The following MMP16 variants were observed in gnomAD, a reference collection of about 807,000 sequenced individuals.
MMP16 encodes matrix metalloproteinase-16.
Under a neutral mutation model 67.8 loss-of-function variants are expected in MMP16, and 12 were observed. That is an observed-to-expected ratio of 0.18 (90% confidence interval 0.11 to 0.29). MMP16 has a LOEUF of 0.29. Ranked by LOEUF, MMP16 falls within the 10% of genes least tolerant of loss-of-function variation. The probability of loss-of-function intolerance (pLI) is 1.00; values close to 1 mark genes in which losing one functional copy is unlikely to be tolerated. For synonymous variants in MMP16, 249 were observed against 255.9 expected (o/e 0.97, Z 0.26); for missense variants, 475 against 765.7 (o/e 0.62, Z 4.48).
At chr8:88,285,976 C>T (rs1810824352) in intron 1 of MMP16, among the ~76,000 whole-genome samples, 1 of 152,162 alleles carries the variant, frequency 6.6e-6, no homozygotes, top group African/African-American at 2.4e-5. Flanking sequence ...GGTACTTTCT[C>T]ACTAACCTCT....
chr8:88,284,996 T>C (rs1473042881), intron 1 of MMP16, among the ~76,000 whole-genome samples: 2 of 152,192 alleles, frequency 1.3e-5, no homozygotes, highest in African/African-American at 4.8e-5. Flanking sequence ...CCTCTGTTAA[T>C]ATTCTCTCAT....
intron 1 of MMP16, among the ~76,000 whole-genome samples, chr8:88,223,496 T>G (rs1007741171): frequency 3.2e-4 from 48 of 151,978 alleles, no homozygotes; most frequent in African/African-American, 1.1e-3. Flanking sequence ...ATATATACCA[T>G]GGAATACTAT....
At chr8:88,183,840 C>T (rs1189264022) in intron 3 of MMP16, among the ~76,000 whole-genome samples, 1 of 150,380 alleles carries the variant, frequency 6.6e-6, no homozygotes, top group East Asian at 2.0e-4. Flanking sequence ...CTCAGCCTCT[C>T]GAGTAGCTGG....
chr8:88,121,462 T>G (rs2118444170), intron 4 of MMP16, among the ~76,000 whole-genome samples: 1 of 152,160 alleles, frequency 6.6e-6, no homozygotes, highest in East Asian at 1.9e-4. Context: ...AGTACTGCCC[T>G]GTGATTTGAA....
intron 9 of MMP16, among the ~76,000 whole-genome samples, chr8:88,045,017 T>C (rs1808180501): frequency 6.6e-6 from 1 of 152,206 alleles, no homozygotes; most frequent in South Asian, 2.1e-4. Context: ...TGTTTTAATC[T>C]TAGTCTCACT....
chr8:88,164,581 A>G (rs904969277), intron 4 of MMP16, among the ~76,000 whole-genome samples: 1 of 152,058 alleles, frequency 6.6e-6, no homozygotes, highest in African/African-American at 2.4e-5. Context: ...CTAACAGTCA[A>G]TTAATGTCTC....
In MMP16 at chr8:88,246,676, T is replaced by C. The variant is rs985104209; in HGVS notation, c.133-49370A>G. 1.6e-4 allele frequency among the ~76,000 whole-genome samples: 24 copies of C among 152,290 alleles called. 1 individual carries two copies. Among genetic ancestry groups the C allele is most frequent in the African/African-American group, 5.8e-4 (24 of 41,566 alleles). ...TTAGTCATGTACTCCAGACATTTTT[T>C]TAAGTATGCTTATAAATGGTACTGA... On this transcript the variant is annotated intron_variant, in intron 1 of 9. Coordinates refer to ENST00000286614, the MANE Select transcript of MMP16 (RefSeq NM_005941.5).
intron 1 of MMP16, among the ~76,000 whole-genome samples, chr8:88,263,811 G>C (rs1487059355): frequency 6.6e-6 from 1 of 151,710 alleles, no homozygotes; most frequent in Non-Finnish European, 1.5e-5. Context: ...CTGGGGGTTG[G>C]GACCTTGACA....
intron 6 of MMP16, among the ~76,000 whole-genome samples, chr8:88,096,739 A>G (rs540135693): frequency 1.2e-3 from 186 of 152,048 alleles, no homozygotes; most frequent in Non-Finnish European, 2.0e-3. Context: ...CAACCCTCAT[A>G]GGAAAGTCAC....
chr8:88,266,283 T>C (rs1810475460), intron 1 of MMP16, among the ~76,000 whole-genome samples: 1 of 152,240 alleles, frequency 6.6e-6, no homozygotes, highest in African/African-American at 2.4e-5. Flanking sequence ...ACTATGTTTA[T>C]ATCCATCAGA....
Position 88,058,493 on chromosome 8 carries a change from T to C in MMP16, c.1223-2215A>G, listed in dbSNP as rs1808358735. Among the ~76,000 whole-genome samples the C allele has an allele frequency of 6.6e-6, 1 of 152,016 alleles. No individual in the cohort carries two copies. Among genetic ancestry groups the C allele is most frequent in the African/African-American group, 2.4e-5 (1 of 41,414 alleles). On this transcript the variant is annotated intron_variant, in intron 7 of 9. Coordinates refer to ENST00000286614, the MANE Select transcript of MMP16 (RefSeq NM_005941.5). The surrounding 1 kb of genome is among the most constrained non-coding windows in gnomAD (Gnocchi z 4.2). The stretch of plus-strand genomic sequence containing the variant: ...TTAGATATCAGTGAGTGAGTATGAA[T>C]CAAACAGATGAATAAATTAAAACTT...
intron 7 of MMP16, among the ~76,000 whole-genome samples, chr8:88,068,561 A>C (rs1193218256): frequency 6.6e-6 from 1 of 152,120 alleles, no homozygotes; most frequent in Admixed American, 6.6e-5. Flanking sequence ...ATTTTCGTAT[A>C]GTACAGGATG....
chr8:88,059,939 T>C (rs535967395), intron 7 of MMP16, among the ~76,000 whole-genome samples: 1 of 148,922 alleles, frequency 6.7e-6, no homozygotes, highest in South Asian at 2.1e-4. Flanking sequence ...AGGCAGAAAT[T>C]GAATAAAAGA....
chr8:88,307,749 A>T (rs976742917), intron 1 of MMP16, among the ~76,000 whole-genome samples: 1 of 152,094 alleles, frequency 6.6e-6, no homozygotes, highest in Admixed American at 6.6e-5. Flanking sequence ...TAAGAGAACA[A>T]AAAACAGAAA....
At chr8:88,171,471 G>A (rs1395265924) in intron 3 of MMP16, among the ~76,000 whole-genome samples, 1 of 152,168 alleles carries the variant, frequency 6.6e-6, no homozygotes, top group Non-Finnish European at 1.5e-5. Context: ...GTTGAAAAAC[G>A]TGAGCTGAAA....
intron 1 of MMP16, among the ~76,000 whole-genome samples, chr8:88,318,883 T>C (rs1320430111): frequency 1.3e-5 from 2 of 152,196 alleles, no homozygotes; most frequent in African/African-American, 4.8e-5. Context: ...ATTTGGACCT[T>C]TGTTTAATCA....
intron 3 of MMP16, among the ~76,000 whole-genome samples, chr8:88,172,449 A>G (rs1233799691): frequency 6.6e-6 from 1 of 152,228 alleles, no homozygotes; most frequent in Non-Finnish European, 1.5e-5. Context: ...TTTTGTATTT[A>G]TAACTGAACT....
intron 4 of MMP16, among the ~76,000 whole-genome samples, chr8:88,141,461 ATC>A (rs768019294): frequency 1.3e-5 from 2 of 152,162 alleles, no homozygotes; most frequent in African/African-American, 2.4e-5. Flanking sequence ...GAGTGGTTGA[ATC>A]TGTGTGCCTG....
intron 2 of MMP16, 94 bp downstream of exon 2, chr8:88,197,063 TC>T (rs2129781041): frequency 8.5e-7 from 1 of 1,170,438 alleles, no homozygotes; most frequent in East Asian, 2.7e-5. Flanking sequence ...GACAAATTAC[TC>T]CATTTCTGGT....
Sources: allele counts gnomAD v4.1 joint callset (sites outside exome capture counted in the v4.1 genomes callset), GRCh38; gene constraint gnomAD v4.1.1; non-coding constraint Gnocchi (gnomAD v3.1); transcripts MANE v1.5; gene names NCBI Gene and HGNC (gene_info 2026-07-23, HGNC 2026-07-21).